FBXO38: variants seen among roughly 807,000 people sequenced by gnomAD.
The protein encoded by FBXO38 is F-box only protein 38.
In FBXO38, 53 loss-of-function variants were observed where a neutral mutation model predicts 131.9. The observed-to-expected ratio is 0.40, with a 90% confidence interval of 0.32 to 0.51. The LOEUF (loss-of-function observed/expected upper bound fraction) is 0.51. FBXO38 is among the 20% of genes least tolerant of loss of function. The pLI, the probability that FBXO38 is intolerant of heterozygous loss-of-function variation, is 0.53. For missense variants in FBXO38, 1,076 were observed against 1,475.6 expected, an observed-to-expected ratio of 0.73 and a Z score of 4.44; for synonymous variants, 452 against 505.6, an observed-to-expected ratio of 0.89 and a Z score of 1.42.
At chr5:148,411,964 A>G (rs1478729072) in intron 9 of FBXO38, among the ~76,000 whole-genome samples, 1 of 152,168 alleles carries the variant, frequency 6.6e-6, no homozygotes, top group Non-Finnish European at 1.5e-5. Context: ...CCAAAAGCTC[A>G]GAACTTGACA....
chr5:148,387,495 T>C lies in FBXO38; in HGVS notation c.-64+3456T>C, dbSNP rs145619903. Among the ~76,000 whole-genome samples, 13 of 152,258 alleles carry C rather than the reference T, an allele frequency of 8.5e-5. No individual in the cohort carries two copies. The East Asian group carries it at 2.5e-3, about 29-fold the overall frequency. On this transcript the variant is annotated intron_variant, in intron 1 of 21. Coordinates refer to ENST00000340253, the MANE Select transcript of FBXO38 (RefSeq NM_205836.3). ...CTCCTATAACCACAGAAGTCTTGAA[T>C]CCCTCAGAGTCATCCATGAGGACTG... is the stretch of plus-strand genomic sequence containing the variant.
At chr5:148,411,041 C>T (rs1752722369) in intron 9 of FBXO38, among the ~76,000 whole-genome samples, 1 of 152,096 alleles carries the variant, frequency 6.6e-6, no homozygotes. Context: ...CACTTTACTG[C>T]CCAAGTTTCT....
chr5:148,384,644 CA>C (rs76391686), intron 1 of FBXO38: 12,467 of 152,342 alleles, frequency 0.082, 1,006 homozygotes, highest in East Asian at 0.33. Context: ...CTGTGGAAAT[CA>C]GATTCTTAAC....
chr5:148,388,596 G>A (rs1469575579), intron 1 of FBXO38, among the ~76,000 whole-genome samples: 7 of 152,164 alleles, frequency 4.6e-5, no homozygotes, highest in Admixed American at 3.9e-4. Flanking sequence ...TGGAGACAAC[G>A]TCTTTCCATA....
intron 15 of FBXO38, among the ~76,000 whole-genome samples, chr5:148,432,415 AG>A (rs772210593): frequency 4.6e-5 from 7 of 152,226 alleles, no homozygotes. Flanking sequence ...GAAAGATTGC[AG>A]GTTTTCTAGC....
At chr5:148,407,818 G>A (rs544092222) in intron 7 of FBXO38, among the ~76,000 whole-genome samples, 1 of 151,896 alleles carries the variant, frequency 6.6e-6, no homozygotes, top group Non-Finnish European at 1.5e-5. Flanking sequence ...CCAGCTACTC[G>A]GGAGGCTGAG....
At chr5:148,435,732 T>C (rs1754314450) in intron 17 of FBXO38, among the ~76,000 whole-genome samples, 1 of 152,118 alleles carries the variant, frequency 6.6e-6, no homozygotes, top group Non-Finnish European at 1.5e-5. Flanking sequence ...ACTGCGCAGC[T>C]GCACTCCAGT....
chr5:148,423,928 A>C lies in FBXO38; in HGVS notation c.1619-70A>C, dbSNP rs1581273438. The C allele has an allele frequency of 2.0e-6, 3 of 1,480,694 alleles. No individual in the cohort carries two copies. The East Asian group carries it at 7.1e-5, about 35-fold the overall frequency. The allele number at this position is 1,480,694 out of a possible 1,614,324, so 91.7% of individuals were successfully genotyped here. A position where few individuals can be genotyped will look rare whatever the true frequency, so the allele number is the denominator to read the frequency against. The stretch of plus-strand genomic sequence containing the variant: ...GGACTGTTCAGTTCTTAGGGCGGCC[A>C]CAGTTTTGCCTGCCATTGTAGTTCT... On this transcript the variant is annotated intron_variant, in intron 12 of 21. Coordinates refer to ENST00000340253, the MANE Select transcript of FBXO38 (RefSeq NM_205836.3).
intron 1 of FBXO38, among the ~76,000 whole-genome samples, chr5:148,393,255 A>T (rs973464220): frequency 6.8e-6 from 1 of 147,812 alleles, no homozygotes; most frequent in African/African-American, 2.5e-5. Context: ...AAGCATGCTG[A>T]CAGCCTCAAG....
At position 148,414,254 on chromosome 5, in the gene FBXO38, T is replaced by C; in HGVS notation, c.1212T>C (p.Tyr404=). 6.2e-7 allele frequency: 1 copy of C among 1,612,424 alleles called. No individual in the cohort carries two copies. Among genetic ancestry groups the C allele is most frequent in the Non-Finnish European group, 8.5e-7 (1 of 1,179,270 alleles). The change falls in exon 10 of 22, where the codon TAT becomes TAC. Residue 404 remains tyrosine, a synonymous_variant. Coordinates refer to ENST00000340253, the MANE Select transcript of FBXO38 (RefSeq NM_205836.3). ...ATGAAGTTTTTTCCTGTATCAAATATCTGGCAATTTACAATTGCCCTCATC... is the reference window on the plus strand; with the variant it reads ...ATGAAGTTTTTTCCTGTATCAAATACCTGGCAATTTACAATTGCCCTCATC... The part of the protein sequence containing the change: ...AVNEVFSCIK[Y]LAIYNCPHLH...
chr5:148,421,824 C>T (rs544413340), intron 12 of FBXO38, among the ~76,000 whole-genome samples: 4 of 152,288 alleles, frequency 2.6e-5, no homozygotes, highest in African/African-American at 9.6e-5. Context: ...TGCTTTTTGT[C>T]AAAACCAAGA....
chr5:148,434,833 T>G (rs1314180452), intron 17 of FBXO38: 1 of 152,264 alleles, frequency 6.6e-6, no homozygotes, highest in East Asian at 1.9e-4. Context: ...GGCTCACGCC[T>G]GTAATCCCAG....
At chr5:148,388,710 TA>T (rs1231599532) in intron 1 of FBXO38, among the ~76,000 whole-genome samples, 1 of 152,246 alleles carries the variant, frequency 6.6e-6, no homozygotes, top group Admixed American at 6.5e-5. Context: ...TGCTCTGGAT[TA>T]GTCTTTGGCT....
chr5:148,423,088 A>G (rs1315767430), intron 12 of FBXO38, among the ~76,000 whole-genome samples: 1 of 152,144 alleles, frequency 6.6e-6, no homozygotes, highest in Non-Finnish European at 1.5e-5. Flanking sequence ...ACCCAATGAG[A>G]GAATTAGTTG....
intron 11 of FBXO38, 132 bp downstream of exon 11, chr5:148,416,202 C>T (rs1753044329): frequency 2.6e-6 from 2 of 777,232 alleles, no homozygotes; most frequent in Admixed American, 6.1e-5. Flanking sequence ...TACTGCCAGC[C>T]TCAGTGAAGG....
At chr5:148,386,306 C>G (rs1004035752) in intron 1 of FBXO38, among the ~76,000 whole-genome samples, 2 of 152,150 alleles carry the variant, frequency 1.3e-5, no homozygotes, top group African/African-American at 4.8e-5. Context: ...CCTGGGAAGT[C>G]TGTATCCCAG....
Position 148,402,105 on chromosome 5 carries a change from C to T in FBXO38, c.386C>T (p.Pro129Leu). Residue 129 changes from proline to leucine, a missense_variant, in exon 4 of 22, where the codon CCA becomes CTA. By Grantham distance (98) the Pro-to-Leu change is moderately conservative. This residue lies in a region of FBXO38 where 96 missense variants were observed against 193.9 expected (regional missense o/e 0.50). Coordinates refer to ENST00000340253, the MANE Select transcript of FBXO38 (RefSeq NM_205836.3). ...RVRGHEAFSIPGVLEALQACP... is the reference protein window; with the variant it reads ...RVRGHEAFSILGVLEALQACP... ...AGGGGCCATGAGGCTTTTAGCATTC[C>T]AGGAGTCCTAGAAGCTTTGCAGGCA... 6 of 1,613,460 alleles carry T rather than the reference C, an allele frequency of 3.7e-6. No homozygotes were observed. Among genetic ancestry groups the T allele is most frequent in the Non-Finnish European group, 5.1e-6 (6 of 1,179,528 alleles).
In FBXO38 at chr5:148,439,681, G is replaced by C. The variant is rs765563809; in HGVS notation, c.3059G>C (p.Ser1020Thr). 2 of 1,606,200 alleles carry C rather than the reference G, an allele frequency of 1.2e-6. No individual in the cohort carries two copies. Among genetic ancestry groups the C allele is most frequent in the Non-Finnish European group, 1.7e-6 (2 of 1,179,626 alleles). The stretch of plus-strand genomic sequence containing the variant: ...CTAACTTTGGAGCAGAAGCTATTTA[G>C]TGGTCCCTACCCCTATCACATCTGT... ...DTLTLEQKLF[S>T]GPYPYHICII... is the part of the protein sequence containing the mutation. The change falls in exon 19 of 22, where the codon AGT becomes ACT. Residue 1020 changes from serine to threonine, a missense_variant. By Grantham distance (58) the Ser-to-Thr change is moderately conservative. Coordinates refer to ENST00000340253, the MANE Select transcript of FBXO38 (RefSeq NM_205836.3).
At position 148,427,520 on chromosome 5, in the gene FBXO38, A is replaced by T. The variant is rs201175127; in HGVS notation, c.2226A>T (p.Thr742=). Residue 742 remains threonine, a synonymous_variant, in exon 15 of 22, where the codon ACA becomes ACT. Transcript: ENST00000340253. ...NSGGSSEPSP[T]EVDVSRQCAC... ...GCGGCTCTTCCGAGCCTAGCCCTAC[A>T]GAAGTGGATGTGTCCAGGCAGTGTG... is the stretch of plus-strand genomic sequence containing the variant. The T allele has an allele frequency of 1.9e-6, 3 of 1,614,160 alleles. No individual in the cohort carries two copies. Among genetic ancestry groups the T allele is most frequent in the Non-Finnish European group, 2.5e-6 (3 of 1,180,024 alleles).
Sources: allele counts gnomAD v4.1 joint callset (sites outside exome capture counted in the v4.1 genomes callset), GRCh38; gene constraint gnomAD v4.1.1; regional missense constraint gnomAD v4.1.1; transcripts MANE v1.5; gene names NCBI Gene and HGNC (gene_info 2026-07-23, HGNC 2026-07-21).